Variants in IMMP2L observed in about 807,000 individuals in gnomAD.
The protein encoded by IMMP2L is inner mitochondrial membrane peptidase subunit 2, also known as mitochondrial inner membrane protease subunit 2.
Under a neutral mutation model 19.3 loss-of-function variants are expected in IMMP2L, and 18 were observed. The observed-to-expected ratio is 0.93, with a 90% CI of 0.64 to 1.38. The LOEUF (loss-of-function observed/expected upper bound fraction) is 1.38, where lower values mean the gene tolerates loss of function less well. IMMP2L is among the 40% of genes most tolerant of loss of function. The pLI, the probability that IMMP2L is intolerant of heterozygous loss-of-function variation, is 0.00. For missense variants in IMMP2L, 233 were observed against 218.2 expected (o/e 1.07, Z -0.43); for synonymous variants, 76 against 73.0 (o/e 1.04, Z -0.21).
At chr7:111,465,799 A>G (rs1438883967) in intron 3 of IMMP2L, among the ~76,000 whole-genome samples, 1 of 152,158 alleles carries the variant, frequency 6.6e-6, no homozygotes, top group Non-Finnish European at 1.5e-5. Flanking sequence ...TAGAAATACC[A>G]TTTGACCCAG....
chr7:110,699,823 C>T (rs910536538), intron 5 of IMMP2L, among the ~76,000 whole-genome samples: 1 of 151,120 alleles, frequency 6.6e-6, no homozygotes, highest in Non-Finnish European at 1.5e-5. Flanking sequence ...TGTTACATTA[C>T]GTGAGTCTGT....
chr7:110,673,170 C>T (rs1792042015), intron 5 of IMMP2L, among the ~76,000 whole-genome samples: 1 of 152,240 alleles, frequency 6.6e-6, no homozygotes, highest in South Asian at 2.1e-4. Flanking sequence ...GACTTCTATG[C>T]ATCTGCAGGC....
chr7:111,314,637 T>G (rs1211800686), intron 3 of IMMP2L, among the ~76,000 whole-genome samples: 1 of 152,100 alleles, frequency 6.6e-6, no homozygotes, highest in African/African-American at 2.4e-5. Flanking sequence ...CTGAAGTAAT[T>G]CCCACTTGTC....
intron 3 of IMMP2L, among the ~76,000 whole-genome samples, chr7:111,044,141 T>A (rs190400439): frequency 6.6e-6 from 1 of 152,348 alleles, no homozygotes; most frequent in South Asian, 2.1e-4. Context: ...AGATGTTTCT[T>A]CACCAGCATC....
intron 3 of IMMP2L, among the ~76,000 whole-genome samples, chr7:111,464,839 A>C (rs1287177477): frequency 6.6e-6 from 1 of 152,034 alleles, no homozygotes; most frequent in East Asian, 1.9e-4. Context: ...CCCAGGCTGG[A>C]GTGCAGTGGT....
At chr7:111,529,213 T>C (rs1271224712) in intron 1 of IMMP2L, among the ~76,000 whole-genome samples, 1 of 152,192 alleles carries the variant, frequency 6.6e-6, no homozygotes, top group Non-Finnish European at 1.5e-5. Flanking sequence ...CCACGGATCT[T>C]TCTAGCAGCC....
chr7:110,680,628 G>A (rs1007485328), intron 5 of IMMP2L, among the ~76,000 whole-genome samples: 3 of 152,116 alleles, frequency 2.0e-5, no homozygotes, highest in African/African-American at 7.2e-5. Context: ...TGTGGGCATG[G>A]CACAATTGGC....
chr7:110,813,815 T>C (rs896192578), intron 5 of IMMP2L, among the ~76,000 whole-genome samples: 1 of 151,782 alleles, frequency 6.6e-6, no homozygotes, highest in Admixed American at 6.6e-5. Flanking sequence ...TCTACTAAAG[T>C]AGTTCCATCA....
intron 3 of IMMP2L, among the ~76,000 whole-genome samples, chr7:111,141,790 T>G (rs1201427784): frequency 6.6e-6 from 1 of 152,164 alleles, no homozygotes; most frequent in Non-Finnish European, 1.5e-5. Context: ...GGTCTCAAAA[T>G]GCTGGGCTAA....
chr7:111,124,211 C>T (rs1459514622), intron 3 of IMMP2L: 1 of 1,613,854 alleles, frequency 6.2e-7, no homozygotes, highest in African/African-American at 1.3e-5. Flanking sequence ...TCTGAGGGAA[C>T]ACTAGATATA....
chr7:111,554,378 AG>A (rs1791021741), intron 1 of IMMP2L, among the ~76,000 whole-genome samples: 1 of 152,116 alleles, frequency 6.6e-6, no homozygotes, highest in Admixed American at 6.6e-5. Context: ...ACAAGAAGAA[AG>A]GGAAGATGAG....
At chr7:111,366,858 G>C (rs1829813441) in intron 3 of IMMP2L, among the ~76,000 whole-genome samples, 1 of 151,240 alleles carries the variant, frequency 6.6e-6, no homozygotes, top group Admixed American at 6.6e-5. Flanking sequence ...TATGTGGAGA[G>C]GAGAGACAGG....
At chr7:111,170,469 A>G (rs1806309499) in intron 3 of IMMP2L, among the ~76,000 whole-genome samples, 1 of 151,942 alleles carries the variant, frequency 6.6e-6, no homozygotes, top group Non-Finnish European at 1.5e-5. Flanking sequence ...GGCTGTAGCC[A>G]GAATAGGAGC....
intron 5 of IMMP2L, among the ~76,000 whole-genome samples, chr7:110,679,154 A>G (rs1724505653): frequency 6.6e-6 from 1 of 152,104 alleles, no homozygotes; most frequent in African/African-American, 2.4e-5. Context: ...TTATGCAAAA[A>G]TAGATACAAA....
At chr7:111,482,387 A>G (rs770040663) in intron 3 of IMMP2L, among the ~76,000 whole-genome samples, 1 of 152,100 alleles carries the variant, frequency 6.6e-6, no homozygotes, top group African/African-American at 2.4e-5. Context: ...CCTCACACCA[A>G]CCTTCTACTA....
intron 3 of IMMP2L, among the ~76,000 whole-genome samples, chr7:111,321,004 G>A (rs948189604): frequency 3.3e-5 from 5 of 152,014 alleles, no homozygotes; most frequent in South Asian, 2.1e-4. Context: ...AATGAAAGGC[G>A]GTATGTGTTC....
At chr7:111,542,091 G>T (rs1485664617) in intron 1 of IMMP2L, among the ~76,000 whole-genome samples, 1 of 152,042 alleles carries the variant, frequency 6.6e-6, no homozygotes, top group East Asian at 1.9e-4. Flanking sequence ...ACAAATATTA[G>T]ATTATCAAAC....
intron 3 of IMMP2L, among the ~76,000 whole-genome samples, chr7:111,104,591 GA>G (rs1798338015): frequency 6.6e-6 from 1 of 151,404 alleles, no homozygotes; most frequent in Non-Finnish European, 1.5e-5. Context: ...CTAAATAACA[GA>G]AAAGTCTCAT....
At chr7:111,175,377 A>T (rs568206425) in intron 3 of IMMP2L, among the ~76,000 whole-genome samples, 1 of 151,994 alleles carries the variant, frequency 6.6e-6, no homozygotes, top group Non-Finnish European at 1.5e-5. Context: ...TAAGTAATAC[A>T]ATATGTACAC....
Sources: allele counts gnomAD v4.1 joint callset (sites outside exome capture counted in the v4.1 genomes callset), GRCh38; gene constraint gnomAD v4.1.1; transcripts MANE v1.5; gene names NCBI Gene and HGNC (gene_info 2026-07-23, HGNC 2026-07-21).